The following ADARB2 variants were observed in gnomAD, a reference collection of about 807,000 sequenced individuals.
ADARB2 encodes the protein adenosine deaminase RNA specific B2 (inactive), also known as inactive double-stranded RNA-specific editase B2.
ADARB2 carries 25 observed loss-of-function variants against 62.2 expected under a neutral mutation model. That is an observed-to-expected ratio of 0.40 (90% CI 0.29 to 0.56). The LOEUF (loss-of-function observed/expected upper bound fraction) is 0.56. Among genes scored for constraint, ADARB2 ranks in the 20% least tolerant of loss-of-function variants. The pLI is 0.43. For synonymous variants in ADARB2, 572 were observed against 500.8 expected, an observed-to-expected ratio of 1.14 and a Z score of -1.90; for missense variants, 1,071 against 1,077.4, an observed-to-expected ratio of 0.99 and a Z score of 0.08.
intron 3 of ADARB2, among the ~76,000 whole-genome samples, chr10:1,352,872 T>A (rs1832157074): frequency 6.6e-6 from 1 of 152,040 alleles, no homozygotes; most frequent in Non-Finnish European, 1.5e-5. Flanking sequence ...TTCACCCCAT[T>A]TCCCCATATT....
chr10:1,651,367 T>C (rs1215692274), intron 1 of ADARB2, among the ~76,000 whole-genome samples: 2 of 152,210 alleles, frequency 1.3e-5, no homozygotes, highest in African/African-American at 4.8e-5. Flanking sequence ...CAGGGGGTGT[T>C]GGGGTGGCTG....
rs1564312412 is a variant in ADARB2 at position 1,510,096 on chromosome 10, T to TTTCTTTCTCTCTTTC, written c.101-130937_101-130936insGAAAGAGAGAAAGAA. Among the ~76,000 whole-genome samples, 211 of 124,734 alleles carry TTTCTTTCTCTCTTTC rather than the reference T, an allele frequency of 1.7e-3. 4 individuals carry two copies. Among genetic ancestry groups the TTTCTTTCTCTCTTTC allele is most frequent in the Admixed American group, 9.6e-3 (103 of 10,698 alleles). The allele number at this position is 124,734 out of a possible 152,430, so 81.8% of individuals were successfully genotyped here. A position where few individuals can be genotyped will look rare whatever the true frequency, so the allele number is the denominator to read the frequency against. ...TTCTTTCTCTTTCTCTCTCTCTCTC[T>TTTCTTTCTCTCTTTC]TTTCTTTCTTTCTCTCTTTCTTTCT... On this transcript the variant is annotated intron_variant, in intron 1 of 9. Coordinates refer to ENST00000381312, the MANE Select transcript of ADARB2 (RefSeq NM_018702.4).
chr10:1,625,877 G>T (rs189230162), intron 1 of ADARB2, among the ~76,000 whole-genome samples: 5 of 152,350 alleles, frequency 3.3e-5, no homozygotes, highest in African/African-American at 1.2e-4. Flanking sequence ...GCACCTGCCT[G>T]GCTGCCCCAC....
intron 8 of ADARB2, among the ~76,000 whole-genome samples, chr10:1,187,076 GTGAGCT>G (rs1836769042): frequency 6.6e-6 from 1 of 152,220 alleles, no homozygotes; most frequent in Non-Finnish European, 1.5e-5. Context: ...AAGTCACCTG[GTGAGCT>G]TCTGCTGGCC....
chr10:1,217,974 C>T (rs1487154975), intron 6 of ADARB2, among the ~76,000 whole-genome samples: 1 of 151,996 alleles, frequency 6.6e-6, no homozygotes, highest in Non-Finnish European at 1.5e-5. Flanking sequence ...ACATTCCCCA[C>T]AATTACTTGG....
At position 1,664,822 on chromosome 10, in the gene ADARB2, C is replaced by T. The variant is rs570497082; in HGVS notation, c.100+72229G>A. ...AGGGCGCTGTGTGCTGCATCCTCAT[C>T]GCTCTGTTGCCAAATGGCTCCTCAA... On this transcript the variant is annotated intron_variant, in intron 1 of 9. Coordinates refer to ENST00000381312, the MANE Select transcript of ADARB2 (RefSeq NM_018702.4). Among the ~76,000 whole-genome samples, 8 of 152,360 alleles carry T rather than the reference C, an allele frequency of 5.3e-5. No homozygotes were observed. In the East Asian group the frequency reaches 7.7e-4, roughly 15 times the overall value.
At chr10:1,669,963 G>A (rs1834363100) in intron 1 of ADARB2, among the ~76,000 whole-genome samples, 1 of 152,062 alleles carries the variant, frequency 6.6e-6, no homozygotes, top group African/African-American at 2.4e-5. Flanking sequence ...CAGACACACA[G>A]ACACATGCAG....
intron 1 of ADARB2, among the ~76,000 whole-genome samples, chr10:1,446,748 G>A (rs953681192): frequency 6.6e-6 from 1 of 152,172 alleles, no homozygotes; most frequent in African/African-American, 2.4e-5. Flanking sequence ...AAACGTTCTT[G>A]TATGCAAGTT....
At chr10:1,393,017 T>C (rs1272390218) in intron 1 of ADARB2, among the ~76,000 whole-genome samples, 1 of 152,204 alleles carries the variant, frequency 6.6e-6, no homozygotes, top group African/African-American at 2.4e-5. Flanking sequence ...GTAGTCTCTC[T>C]GTGAAAGTGG....
intron 7 of ADARB2, among the ~76,000 whole-genome samples, chr10:1,200,584 C>T (rs558590448): frequency 4.3e-4 from 66 of 152,086 alleles, no homozygotes; most frequent in Middle Eastern, 3.4e-3. Context: ...TCAAAATGAC[C>T]TATTGTGTTG....
At chr10:1,621,815 C>A (rs1393559878) in intron 1 of ADARB2, among the ~76,000 whole-genome samples, 1 of 152,210 alleles carries the variant, frequency 6.6e-6, no homozygotes, top group Non-Finnish European at 1.5e-5. Context: ...GGATTCAATG[C>A]AATCTCTGCC....
intron 3 of ADARB2, among the ~76,000 whole-genome samples, chr10:1,313,097 G>T (rs1318354598): frequency 6.6e-6 from 1 of 152,198 alleles, no homozygotes; most frequent in African/African-American, 2.4e-5. Flanking sequence ...ACAAGCATCT[G>T]CTGAAGGCCT....
chr10:1,353,656 ATGT>A (rs200346294), intron 3 of ADARB2, among the ~76,000 whole-genome samples: 5,877 of 152,250 alleles, frequency 0.039, 142 homozygotes, highest in South Asian at 0.095. Context: ...CCACTCCGTT[ATGT>A]ATCTCTCAGC....
At chr10:1,642,472 A>G (rs767019177) in intron 1 of ADARB2, among the ~76,000 whole-genome samples, 4 of 152,198 alleles carry the variant, frequency 2.6e-5, no homozygotes, top group African/African-American at 4.8e-5. Context: ...TTATGTCAGT[A>G]TTTATTACAA....
intron 1 of ADARB2, among the ~76,000 whole-genome samples, chr10:1,703,203 A>G (rs969484610): frequency 6.6e-6 from 1 of 152,202 alleles, no homozygotes; most frequent in Admixed American, 6.5e-5. Context: ...TCCTAGTGGA[A>G]CTGAGCATTT....
intron 3 of ADARB2, among the ~76,000 whole-genome samples, chr10:1,338,919 G>A (rs1214560221): frequency 6.6e-6 from 1 of 152,178 alleles, no homozygotes; most frequent in Non-Finnish European, 1.5e-5. Flanking sequence ...CAGCAGCTCC[G>A]GACCTTGAGG....
intron 6 of ADARB2, among the ~76,000 whole-genome samples, chr10:1,225,357 C>CT (rs1830736029): frequency 6.7e-6 from 1 of 150,044 alleles, no homozygotes; most frequent in Non-Finnish European, 1.5e-5. Context: ...GGTCTTGACT[C>CT]TTTTTCCAAT....
chr10:1,299,278 A>G (rs1831552188), intron 3 of ADARB2, among the ~76,000 whole-genome samples: 1 of 151,928 alleles, frequency 6.6e-6, no homozygotes, highest in Non-Finnish European at 1.5e-5. Flanking sequence ...AAAAGCCAGG[A>G]AGTGCAGAAC....
At chr10:1,604,327 G>C (rs920616891) in intron 1 of ADARB2, among the ~76,000 whole-genome samples, 4 of 152,152 alleles carry the variant, frequency 2.6e-5, no homozygotes, top group Non-Finnish European at 5.9e-5. Context: ...ATCTTTACAA[G>C]AATTATTTGA....
Sources: gnomAD v4.1 joint callset for allele counts (sites outside exome capture counted in the v4.1 genomes callset) on GRCh38, gnomAD v4.1.1 for gene constraint, MANE v1.5 for transcripts, NCBI Gene and HGNC (gene_info 2026-07-23, HGNC 2026-07-21) for gene names.